Variants in DGKB observed in about 807,000 individuals in gnomAD.
The protein encoded by DGKB is diacylglycerol kinase beta, also known as 90 kDa diacylglycerol kinase.
In DGKB, 67 loss-of-function variants were observed where a neutral mutation model predicts 114.3. The observed-to-expected ratio is 0.59, with a 90% confidence interval of 0.48 to 0.72. The LOEUF is 0.72. DGKB is among the 30% of genes least tolerant of loss of function. The pLI, the probability that DGKB is intolerant of heterozygous loss-of-function variation, is 0.00. For missense variants in DGKB, 907 were observed against 975.2 expected, an observed-to-expected ratio of 0.93 and a Z score of 0.93; for synonymous variants, 398 against 323.1, an observed-to-expected ratio of 1.23 and a Z score of -2.49.
chr7:14,765,080 C>T (rs930202376), intron 2 of DGKB, among the ~76,000 whole-genome samples: 3 of 151,960 alleles, frequency 2.0e-5, no homozygotes, highest in African/African-American at 7.2e-5. Flanking sequence ...AAAATAATAA[C>T]AGCCATATTG....
intron 25 of DGKB, among the ~76,000 whole-genome samples, chr7:14,173,399 C>G (rs188435717): frequency 9.2e-5 from 14 of 152,230 alleles, no homozygotes; most frequent in African/African-American, 3.1e-4. Flanking sequence ...TTCAATGGCA[C>G]CAAGTGCAAT....
At chr7:14,697,094 T>C (rs1450841345) in intron 8 of DGKB, among the ~76,000 whole-genome samples, 2 of 152,212 alleles carry the variant, frequency 1.3e-5, no homozygotes, top group Admixed American at 6.5e-5. Flanking sequence ...AAAATATTTT[T>C]TGTGGCCAAA....
chr7:14,473,028 A>G (rs1781646944), intron 21 of DGKB, among the ~76,000 whole-genome samples: 1 of 152,194 alleles, frequency 6.6e-6, no homozygotes, highest in Admixed American at 6.5e-5. Flanking sequence ...TTTTCTGAGG[A>G]GAAATTCAAG....
chr7:14,755,013 G>A (rs1044285727), intron 3 of DGKB, among the ~76,000 whole-genome samples: 63 of 152,144 alleles, frequency 4.1e-4, no homozygotes, highest in African/African-American at 1.5e-3. Flanking sequence ...GCTAGCTGGT[G>A]AATCTTGGAC....
intron 20 of DGKB, among the ~76,000 whole-genome samples, chr7:14,546,464 C>T (rs1183695265): frequency 6.6e-6 from 1 of 152,160 alleles, no homozygotes; most frequent in Non-Finnish European, 1.5e-5. Flanking sequence ...GGGCTGGCTT[C>T]ATGGGCATGG....
intron 21 of DGKB, among the ~76,000 whole-genome samples, chr7:14,456,402 A>G (rs1380909477): frequency 6.6e-6 from 1 of 152,092 alleles, no homozygotes; most frequent in Non-Finnish European, 1.5e-5. Context: ...CATTGGCAGT[A>G]CCTAGTGGTA....
chr7:14,480,814 G>C (rs889503807), intron 20 of DGKB, among the ~76,000 whole-genome samples: 1 of 151,988 alleles, frequency 6.6e-6, no homozygotes, highest in Non-Finnish European at 1.5e-5. Flanking sequence ...TACCTTGGTG[G>C]AGATTTAATA....
intron 23 of DGKB, among the ~76,000 whole-genome samples, chr7:14,205,395 T>G (rs933820968): frequency 3.9e-5 from 6 of 152,036 alleles, no homozygotes; most frequent in African/African-American, 1.4e-4. Context: ...TCTTTTCTTA[T>G]GTTTTAAAGC....
rs533172571 is a variant in DGKB at position 14,922,398 on chromosome 7, G to A, written c.-188+52298C>T. Among the ~76,000 whole-genome samples, 947 of 151,788 alleles carry A rather than the reference G, an allele frequency of 6.2e-3. 13 individuals carry two copies. The highest frequency in any genetic ancestry group is 0.021 in the African/African-American group (886 of 41,394). ...ATCGTGTGTGTGTGTGTGTGTGTGT[G>A]TGTGTGTGTGTGTGTGTATCAGACT... On this transcript the variant is annotated intron_variant, in intron 1 of 4. Transcript: ENST00000437998.
chr7:14,528,503 A>G (rs1241708178), intron 20 of DGKB, among the ~76,000 whole-genome samples: 1 of 152,120 alleles, frequency 6.6e-6, no homozygotes, highest in Non-Finnish European at 1.5e-5. Flanking sequence ...CTTATAAGAT[A>G]TAAAAATTGC....
chr7:14,734,913 G>T (rs1387972932), intron 5 of DGKB, among the ~76,000 whole-genome samples: 7 of 152,122 alleles, frequency 4.6e-5, no homozygotes, highest in Admixed American at 3.3e-4. Context: ...TCCATAGAGG[G>T]CGCTAGAGAG....
chr7:14,904,423 G>A (rs1205944359), upstream of DGKB, among the ~76,000 whole-genome samples: 3 of 152,000 alleles, frequency 2.0e-5, no homozygotes, highest in African/African-American at 4.8e-5. Flanking sequence ...GTTAATCAGG[G>A]TTAAATTAAA....
At chr7:14,960,192 A>T (rs998615900) in intron 1 of DGKB, among the ~76,000 whole-genome samples, 3 of 152,110 alleles carry the variant, frequency 2.0e-5, no homozygotes, top group African/African-American at 7.2e-5. Flanking sequence ...TTTGTGAAAC[A>T]TAAGAATCAA....
intron 2 of DGKB, among the ~76,000 whole-genome samples, chr7:14,769,752 C>G (rs1328090780): frequency 6.6e-6 from 1 of 151,920 alleles, no homozygotes; most frequent in Non-Finnish European, 1.5e-5. Flanking sequence ...CACACCTCTC[C>G]TCTAGTTTCT....
rs188088306 is a variant in DGKB at position 14,972,586 on chromosome 7, T to C, written c.-188+2110A>G. On this transcript the variant is annotated intron_variant, in intron 1 of 4. Coordinates refer to the DGKB transcript ENST00000437998. ...AGTGATGAATTAAAGATATGACTAG[T>C]ATTCCATTAGATCTGAATTCAATTT... Among the ~76,000 whole-genome samples the C allele has an allele frequency of 2.7e-3, 406 of 152,092 alleles. 2 individuals are homozygous for C. The highest frequency in any genetic ancestry group is 9.1e-3 in the African/African-American group (377 of 41,522).
At chr7:14,180,441 C>G (rs1782477442) in intron 23 of DGKB, among the ~76,000 whole-genome samples, 1 of 152,114 alleles carries the variant, frequency 6.6e-6, no homozygotes, top group Non-Finnish European at 1.5e-5. Context: ...AAAATCAATT[C>G]TGCTGTTAAT....
chr7:14,933,320 T>A (rs998948945), intron 1 of DGKB, among the ~76,000 whole-genome samples: 2 of 152,180 alleles, frequency 1.3e-5, no homozygotes, highest in Non-Finnish European at 2.9e-5. Context: ...ACATGTCCTA[T>A]TCCTTCTCTG....
intron 20 of DGKB, among the ~76,000 whole-genome samples, chr7:14,532,270 A>G (rs1451148848): frequency 6.6e-6 from 1 of 151,132 alleles, no homozygotes; most frequent in Non-Finnish European, 1.5e-5. Context: ...ACAAAATGGT[A>G]GATGGAAAAC....
chr7:14,324,760 C>A (rs1044846655), intron 23 of DGKB, among the ~76,000 whole-genome samples: 1 of 152,024 alleles, frequency 6.6e-6, no homozygotes, highest in African/African-American at 2.4e-5. Flanking sequence ...CAATAACACA[C>A]GCGAGAACAA....
Sources: gnomAD v4.1 joint callset for allele counts (sites outside exome capture counted in the v4.1 genomes callset) on GRCh38, gnomAD v4.1.1 for gene constraint, MANE v1.5 for transcripts, NCBI Gene and HGNC (gene_info 2026-07-23, HGNC 2026-07-21) for gene names.